Variants in PPP1R9A observed in about 807,000 individuals in gnomAD.
PPP1R9A encodes the protein protein phosphatase 1 regulatory subunit 9A, also known as neurabin-1.
PPP1R9A carries 59 observed loss-of-function variants against 141.9 expected under a neutral mutation model. The ratio of observed to expected loss-of-function variants is 0.42; its 90% confidence interval spans 0.34 to 0.52. The LOEUF (loss-of-function observed/expected upper bound fraction) is 0.52, where lower values mean the gene tolerates loss of function less well. Among genes scored for constraint, PPP1R9A ranks in the 20% least tolerant of loss-of-function variants. The pLI, the probability that PPP1R9A is intolerant of heterozygous loss-of-function variation, is 0.10. For synonymous variants in PPP1R9A, 500 were observed against 569.7 expected (o/e 0.88, Z 1.74); for missense variants, 1,444 against 1,611.9 (o/e 0.90, Z 1.78).
At chr7:95,195,759 A>G (rs1306351047) in intron 5 of PPP1R9A, among the ~76,000 whole-genome samples, 1 of 152,034 alleles carries the variant, frequency 6.6e-6, no homozygotes, top group Non-Finnish European at 1.5e-5. Context: ...TGTGTCAAGA[A>G]TATATAAAGG....
chr7:95,185,490 C>G (rs141349231), intron 5 of PPP1R9A, among the ~76,000 whole-genome samples: 8 of 152,042 alleles, frequency 5.3e-5, no homozygotes, highest in Admixed American at 1.3e-4. Context: ...TCTGTTTACT[C>G]TGCTGAAAAC....
chr7:95,050,608 T>C (rs1810655824), intron 2 of PPP1R9A, among the ~76,000 whole-genome samples: 1 of 152,156 alleles, frequency 6.6e-6, no homozygotes, highest in Non-Finnish European at 1.5e-5. Flanking sequence ...ATGCCTGTAA[T>C]TCCAGCTACA....
chr7:95,255,013 C>T (rs113382752), intron 12 of PPP1R9A, among the ~76,000 whole-genome samples: 10 of 151,892 alleles, frequency 6.6e-5, no homozygotes, highest in South Asian at 6.3e-4. Context: ...ATAAAGCAGA[C>T]GTAACAAATT....
chr7:94,979,992 T>G (rs573336391), intron 2 of PPP1R9A, among the ~76,000 whole-genome samples: 1 of 152,206 alleles, frequency 6.6e-6, no homozygotes, highest in African/African-American at 2.4e-5. Flanking sequence ...ACTTGTGAAT[T>G]GGTATAATTG....
chr7:95,026,556 C>G (rs2151774175), intron 2 of PPP1R9A, among the ~76,000 whole-genome samples: 1 of 152,288 alleles, frequency 6.6e-6, no homozygotes, highest in Non-Finnish European at 1.5e-5. Flanking sequence ...ACACAGGTGT[C>G]AGCGACCTAC....
At chr7:94,964,989 G>C (rs1798046352) in intron 2 of PPP1R9A, among the ~76,000 whole-genome samples, 4 of 152,170 alleles carry the variant, frequency 2.6e-5, no homozygotes, top group African/African-American at 9.7e-5. Flanking sequence ...AGCATCTGCT[G>C]TTTCCTGACT....
intron 2 of PPP1R9A, among the ~76,000 whole-genome samples, chr7:94,977,213 CT>C (rs545526788): frequency 3.6e-4 from 54 of 152,070 alleles, no homozygotes; most frequent in Admixed American, 3.5e-3. Context: ...GGGGAGATGT[CT>C]GGGTTGAAGA....
At chr7:95,077,794 C>A (rs1815090321) in intron 2 of PPP1R9A, among the ~76,000 whole-genome samples, 2 of 151,976 alleles carry the variant, frequency 1.3e-5, no homozygotes, top group African/African-American at 2.4e-5. Context: ...GGGAGGTGAC[C>A]AGGAAAAGCA....
chr7:94,945,185 CA>C (rs1795767487), intron 2 of PPP1R9A, among the ~76,000 whole-genome samples: 1 of 152,040 alleles, frequency 6.6e-6, no homozygotes, highest in South Asian at 2.1e-4. Context: ...TTAGGTCTCT[CA>C]GCTCTTAGAA....
At chr7:94,967,999 T>C (rs1798403290) in intron 2 of PPP1R9A, among the ~76,000 whole-genome samples, 1 of 152,196 alleles carries the variant, frequency 6.6e-6, no homozygotes, top group South Asian at 2.1e-4. Flanking sequence ...TGTCAAATAC[T>C]GACTGTGAAG....
At chr7:95,196,148 A>G (rs1481293711) in intron 5 of PPP1R9A, among the ~76,000 whole-genome samples, 4 of 152,140 alleles carry the variant, frequency 2.6e-5, no homozygotes, top group Non-Finnish European at 5.9e-5. Context: ...AAGACAACCC[A>G]ATTTTCAGTA....
intron 12 of PPP1R9A, among the ~76,000 whole-genome samples, chr7:95,264,384 G>A (rs570066233): frequency 3.7e-4 from 57 of 152,136 alleles, no homozygotes; most frequent in Admixed American, 9.8e-4. Context: ...TAGTTCCCTC[G>A]CTGCCTGTAT....
intron 8 of PPP1R9A, among the ~76,000 whole-genome samples, chr7:95,230,578 A>G (rs1387871969): frequency 6.6e-6 from 1 of 152,116 alleles, no homozygotes; most frequent in Non-Finnish European, 1.5e-5. Flanking sequence ...CAAGGCTTTC[A>G]AATTAACCCA....
At chr7:95,077,385 AT>A (rs1316473992) in intron 2 of PPP1R9A, among the ~76,000 whole-genome samples, 2 of 151,878 alleles carry the variant, frequency 1.3e-5, no homozygotes, top group African/African-American at 2.4e-5. Context: ...GTTTACTTCC[AT>A]TTTTTTAATC....
chr7:95,154,917 T>C (rs534512865), intron 4 of PPP1R9A: 3 of 152,168 alleles, frequency 2.0e-5, no homozygotes, highest in Non-Finnish European at 4.4e-5. Flanking sequence ...TTCCTTGTCA[T>C]GTCTCATATG....
chr7:95,186,465 C>T (rs550182641), intron 5 of PPP1R9A, among the ~76,000 whole-genome samples: 37 of 152,140 alleles, frequency 2.4e-4, no homozygotes, highest in Non-Finnish European at 2.5e-4. Flanking sequence ...CTGCAAACAG[C>T]GACAGTTTGA....
chr7:95,058,270 A>G (rs913313569), intron 2 of PPP1R9A, among the ~76,000 whole-genome samples: 7 of 152,240 alleles, frequency 4.6e-5, no homozygotes, highest in Non-Finnish European at 8.8e-5. Context: ...CAGATCCCTT[A>G]CTAGGTATTA....
chr7:95,208,357 G>A (rs932992116), intron 7 of PPP1R9A, among the ~76,000 whole-genome samples: 9 of 152,100 alleles, frequency 5.9e-5, no homozygotes, highest in African/African-American at 1.4e-4. Flanking sequence ...GACTGACTAC[G>A]TAAATGTGAA....
At chr7:95,088,694 T>C (rs1428978780) in intron 2 of PPP1R9A, among the ~76,000 whole-genome samples, 1 of 151,990 alleles carries the variant, frequency 6.6e-6, no homozygotes, top group African/African-American at 2.4e-5. Context: ...CCCAGTTTCT[T>C]GTACCTAAGG....
Sources: allele counts gnomAD v4.1 joint callset (sites outside exome capture counted in the v4.1 genomes callset), GRCh38; gene constraint gnomAD v4.1.1; transcripts MANE v1.5; gene names NCBI Gene and HGNC (gene_info 2026-07-23, HGNC 2026-07-21).